KLHL42: variants seen among roughly 807,000 people sequenced by gnomAD.
KLHL42 encodes kelch-like protein 42.
In KLHL42, 27 loss-of-function variants were observed where a neutral mutation model predicts 32.7. That is an observed-to-expected ratio of 0.83 (90% CI 0.61 to 1.14). The LOEUF (loss-of-function observed/expected upper bound fraction) is 1.14, where lower values mean the gene tolerates loss of function less well. Among genes scored for constraint, KLHL42 ranks in the 50% most tolerant of loss-of-function variants. KLHL42 has a pLI of 0.00. For synonymous variants in KLHL42, 267 were observed against 248.2 expected (o/e 1.08, Z -0.71); for missense variants, 491 against 560.8 (o/e 0.88, Z 1.26).
At position 27,800,112 on chromosome 12, in the gene KLHL42, ATACATTT is replaced by A; in HGVS notation, c.*1947_*1953del. The stretch of plus-strand genomic sequence containing the variant: ...CTTAACTTTTTAAAGGCTTTGTCCT[ATACATTT>A]AGAAGATGAGTCAGTTGAATTAGTA... On this transcript the variant is annotated 3_prime_UTR_variant, in exon 3 of 3. Transcript: ENST00000381271. The A allele has an allele frequency of 5.1e-6, 5 of 984,772 alleles. No individual in the cohort carries two copies. Among genetic ancestry groups the A allele is most frequent in the Non-Finnish European group, 6.0e-6 (5 of 829,304 alleles). 61.0% of individuals were successfully genotyped at this position (984,772 alleles called of 1,614,324 possible).
At chr12:27,789,435 G>C (rs947380005) in intron 1 of KLHL42, among the ~76,000 whole-genome samples, 1 of 152,188 alleles carries the variant, frequency 6.6e-6, no homozygotes, top group African/African-American at 2.4e-5. Flanking sequence ...GCATTAAAAA[G>C]TGTTTCTCTT....
chr12:27,783,260 G>A (rs1451278092), intron 1 of KLHL42, among the ~76,000 whole-genome samples: 1 of 152,048 alleles, frequency 6.6e-6, no homozygotes, highest in Non-Finnish European at 1.5e-5. Context: ...AGTAGGCTGA[G>A]GAGGAAAAGG....
At position 27,800,922 on chromosome 12, in the gene KLHL42, T is replaced by G. The variant is rs923085960; in HGVS notation, c.*2756T>G. 1.3e-5 allele frequency: 2 copies of G among 152,170 alleles called. No homozygotes were observed. Among genetic ancestry groups the G allele is most frequent in the African/African-American group, 4.8e-5 (2 of 41,442 alleles). 9.4% of individuals were successfully genotyped at this position (152,170 alleles called of 1,614,324 possible). A position where few individuals can be genotyped will look rare whatever the true frequency, so the allele number is the denominator to read the frequency against. On this transcript the variant is annotated 3_prime_UTR_variant, in exon 3 of 3. Transcript: ENST00000381271. The stretch of plus-strand genomic sequence containing the variant: ...CCCCGACCAGAAGCACCCTATTTTA[T>G]AGATAGCAGTCTGAATGGTAGAGAG...
Position 27,801,112 on chromosome 12 carries a change from C to T in KLHL42, c.*2946C>T, listed in dbSNP as rs1421466228. The T allele has an allele frequency of 6.6e-6, 1 of 152,402 alleles. No homozygotes were observed. The highest frequency in any genetic ancestry group is 2.4e-5 in the African/African-American group (1 of 41,372). The allele number at this position is 152,402 out of a possible 1,614,324, so 9.4% of individuals were successfully genotyped here. On this transcript the variant is annotated 3_prime_UTR_variant, in exon 3 of 3. Coordinates refer to ENST00000381271, the MANE Select transcript of KLHL42 (RefSeq NM_020782.2). ...TTCAACAGTATTGGTTAAGTCACAA[C>T]GACGAAGTGCTGAGAAGGTTATGGG...
rs2062225679 is a variant in KLHL42 at position 27,797,750 on chromosome 12, T to G, written c.1102T>G (p.Ser368Ala). The change falls in exon 3 of 3, where the codon TCC (serine) becomes GCC (alanine). Residue 368 changes from serine (S) to alanine (A), a missense_variant. Transcript: ENST00000381271. Reference sequence around the variant, plus strand: ...GAACATTTTGCAGTACTGCCCCTCTTCCGACATGTGGACGCTCTTTGAAAC... The same window carrying G: ...GAACATTTTGCAGTACTGCCCCTCTGCCGACATGTGGACGCTCTTTGAAAC... ...NMNILQYCPS[S>A]DMWTLFETCD... 2.8e-6 allele frequency: 2 copies of G among 719,682 alleles called. No individual in the cohort carries two copies. The highest frequency in any genetic ancestry group is 1.7e-5 in the African/African-American group (1 of 57,530). 44.6% of individuals were successfully genotyped at this position (719,682 alleles called of 1,614,324 possible). A position where few individuals can be genotyped will look rare whatever the true frequency, so the allele number is the denominator to read the frequency against.
chr12:27,795,890 A>G (rs1427995259), intron 2 of KLHL42, among the ~76,000 whole-genome samples: 2 of 152,208 alleles, frequency 1.3e-5, no homozygotes, highest in Admixed American at 1.3e-4. Context: ...TTGAGTGAAG[A>G]GAGAAAACAT....
intron 2 of KLHL42, among the ~76,000 whole-genome samples, chr12:27,796,370 G>A (rs529211093): frequency 6.6e-6 from 1 of 152,322 alleles, no homozygotes; most frequent in Non-Finnish European, 1.5e-5. Flanking sequence ...TCAAAATGCT[G>A]TAGGCTTTAG....
Position 27,802,755 on chromosome 12 carries a change from C to A in KLHL42, c.*4589C>A, listed in dbSNP as rs1236151211. 6.6e-6 allele frequency: 1 copy of A among 152,104 alleles called. No individual in the cohort carries two copies. Among genetic ancestry groups the A allele is most frequent in the African/African-American group, 2.4e-5 (1 of 41,254 alleles). The allele number at this position is 152,104 out of a possible 1,614,324, so 9.4% of individuals were successfully genotyped here. ...TGTCATTTTTCCTATTAAAAAAAAC[C>A]CTTAAGAATGGGGCACTTGAGCTGT... On this transcript the variant is annotated 3_prime_UTR_variant, in exon 3 of 3. Transcript: ENST00000381271.
chr12:27,788,429 G>A (rs1357189972), intron 1 of KLHL42, among the ~76,000 whole-genome samples: 3 of 152,194 alleles, frequency 2.0e-5, no homozygotes, highest in Non-Finnish European at 4.4e-5. Context: ...GGCTAGACTC[G>A]AAGCCACCCA....
chr12:27,783,606 G>C (rs898485139), intron 1 of KLHL42, among the ~76,000 whole-genome samples: 3 of 151,878 alleles, frequency 2.0e-5, no homozygotes, highest in Admixed American at 6.6e-5. Context: ...TTTTGAGACG[G>C]AGTCTCGCTC....
chr12:27,790,378 G>C (rs2140818180), intron 1 of KLHL42, among the ~76,000 whole-genome samples: 1 of 152,296 alleles, frequency 6.6e-6, no homozygotes, highest in Admixed American at 6.5e-5. Flanking sequence ...AGCAGAGCTG[G>C]GACTAGAAGC....
chr12:27,785,382 A>G (rs2062167755), intron 1 of KLHL42, among the ~76,000 whole-genome samples: 1 of 151,836 alleles, frequency 6.6e-6, no homozygotes, highest in Non-Finnish European at 1.5e-5. Flanking sequence ...TAAAATTAAA[A>G]TTTTTTCTTT....
chr12:27,781,914 G>A (rs556845953), intron 1 of KLHL42, among the ~76,000 whole-genome samples: 4 of 152,280 alleles, frequency 2.6e-5, no homozygotes, highest in African/African-American at 7.2e-5. Context: ...AAGAGGAGGA[G>A]CTTGAGGAGT....
At chr12:27,790,672 ATT>A (rs1450835748) in intron 1 of KLHL42, among the ~76,000 whole-genome samples, 1 of 152,204 alleles carries the variant, frequency 6.6e-6, no homozygotes, top group African/African-American at 2.4e-5. Context: ...TCAAGTTATT[ATT>A]TTTATGAAAG....
chr12:27,795,349 T>A (rs2140822469), intron 2 of KLHL42, among the ~76,000 whole-genome samples: 1 of 152,356 alleles, frequency 6.6e-6, no homozygotes, highest in Admixed American at 6.5e-5. Context: ...ACCCTTCTTG[T>A]GTGTTTTGTA....
At chr12:27,783,849 G>C (rs2062159518) in intron 1 of KLHL42, among the ~76,000 whole-genome samples, 2 of 152,172 alleles carry the variant, frequency 1.3e-5, no homozygotes, top group Admixed American at 6.5e-5. Context: ...CTCCCAAAGT[G>C]CTGGGATTAC....
rs758509194 is a variant in KLHL42, at chr12:27,798,980, CTTAAAT to C, written c.*821_*826del. On this transcript the variant is annotated 3_prime_UTR_variant, in exon 3 of 3. Transcript: ENST00000381271. ...ATATGAATATTATTAAAAATTGAGT[CTTAAAT>C]TTAAATGGGAAGGGAAGAAAACACC... 25 of 152,282 alleles carry C rather than the reference CTTAAAT, an allele frequency of 1.6e-4. No individual in the cohort carries two copies. The highest frequency in any genetic ancestry group is 3.1e-4 in the Non-Finnish European group (21 of 67,980). 9.4% of individuals were successfully genotyped at this position (152,282 alleles called of 1,614,324 possible). A position where few individuals can be genotyped will look rare whatever the true frequency, so the allele number is the denominator to read the frequency against.
Position 27,801,330 on chromosome 12 carries a change from C to A in KLHL42, c.*3164C>A, listed in dbSNP as rs908943934. The A allele has an allele frequency of 1.3e-5, 2 of 152,122 alleles. No individual in the cohort carries two copies. The highest frequency in any genetic ancestry group is 1.9e-4 in the East Asian group (1 of 5,198). 9.4% of individuals were successfully genotyped at this position (152,122 alleles called of 1,614,324 possible). A position where few individuals can be genotyped will look rare whatever the true frequency, so the allele number is the denominator to read the frequency against. ...GGGAGTAATCAAGTAAATACCTGTTCTCTTTCAATGGACTGTTGCCTATTG... is the reference window on the plus strand; with the variant it reads ...GGGAGTAATCAAGTAAATACCTGTTATCTTTCAATGGACTGTTGCCTATTG... On this transcript the variant is annotated 3_prime_UTR_variant, in exon 3 of 3. Transcript: ENST00000381271.
Position 27,799,529 on chromosome 12 carries a change from T to C in KLHL42, c.*1363T>C, listed in dbSNP as rs1257833082. ...CCATTTCAGTTAGCATGTGCCTCACTTTAAGAAAGTCCTGTAGGGGAAAAA... is the reference window on the plus strand; with the variant it reads ...CCATTTCAGTTAGCATGTGCCTCACCTTAAGAAAGTCCTGTAGGGGAAAAA... On this transcript the variant is annotated 3_prime_UTR_variant, in exon 3 of 3. Transcript: ENST00000381271. 1 of 152,250 alleles carries C rather than the reference T, an allele frequency of 6.6e-6. No individual in the cohort carries two copies. Among genetic ancestry groups the C allele is most frequent in the Non-Finnish European group, 1.5e-5 (1 of 68,036 alleles). 9.4% of individuals were successfully genotyped at this position (152,250 alleles called of 1,614,324 possible).
Sources: gnomAD v4.1 joint callset for allele counts (sites outside exome capture counted in the v4.1 genomes callset) on GRCh38, gnomAD v4.1.1 for gene constraint, MANE v1.5 for transcripts, NCBI Gene and HGNC (gene_info 2026-07-23, HGNC 2026-07-21) for gene names.